Variants in HMGCS2 observed in about 807,000 individuals in gnomAD.
HMGCS2 encodes the protein hydroxymethylglutaryl-CoA synthase, mitochondrial.
In HMGCS2, 50 loss-of-function variants were observed where a neutral mutation model predicts 57.4. The ratio of observed to expected loss-of-function variants is 0.87; its 90% CI spans 0.69 to 1.10. HMGCS2 has a LOEUF of 1.10. Among genes scored for constraint, HMGCS2 ranks in the 50% least tolerant of loss-of-function variants. The probability of loss-of-function intolerance (pLI) is 0.00; values close to 1 mark genes in which losing one functional copy is unlikely to be tolerated. For missense variants in HMGCS2, 627 were observed against 636.5 expected, an observed-to-expected ratio of 0.99 and a Z score of 0.16; for synonymous variants, 254 against 245.1, an observed-to-expected ratio of 1.04 and a Z score of -0.34.
At chr1:119,754,131 A>T (rs1234419964) in intron 6 of HMGCS2, among the ~76,000 whole-genome samples, 1 of 150,792 alleles carries the variant, frequency 6.6e-6, no homozygotes, top group Non-Finnish European at 1.5e-5. Context: ...ATCTCAGCTC[A>T]CTGCAACTTC....
intron 5 of HMGCS2, among the ~76,000 whole-genome samples, chr1:119,756,399 T>A (rs662924): frequency 0.44 from 66,389 of 151,932 alleles, 14,926 homozygotes; most frequent in South Asian, 0.57. Flanking sequence ...GTATCTTTGG[T>A]ATATGTTATA....
chr1:119,753,882 T>C (rs1386385695), intron 6 of HMGCS2, among the ~76,000 whole-genome samples: 1 of 151,764 alleles, frequency 6.6e-6, no homozygotes, highest in Non-Finnish European at 1.5e-5. Flanking sequence ...TGCCCGTTTT[T>C]TTTTTCTTTT....
chr1:119,768,673 G>A, intron 1 of HMGCS2, 68 bp downstream of exon 1: 1 of 1,222,500 alleles, frequency 8.2e-7, no homozygotes, highest in Non-Finnish European at 1.2e-6. Flanking sequence ...ATTCTAGTGA[G>A]TTTTCCCCAA....
At position 119,764,175 on chromosome 1, in the gene HMGCS2, C is replaced by T. The variant is rs774032165; in HGVS notation, c.556G>A (p.Asp186Asn). The change falls in exon 2 of 10, where the codon GAT becomes AAT. Residue 186 changes from aspartate (D) to asparagine (N), a missense_variant. Asp to Asn is a conservative substitution (Grantham distance 23). Coordinates refer to ENST00000369406, the MANE Select transcript of HMGCS2 (RefSeq NM_005518.4). ...AANWMESSSW[D>N]GRYAMVVCGD... ...TAAGGTTCGTGGCCGTACATACCATCCCAGGAACTGGACTCCATCCAGTTG... is the reference window on the plus strand; with the variant it reads ...TAAGGTTCGTGGCCGTACATACCATTCCAGGAACTGGACTCCATCCAGTTG... The T allele has an allele frequency of 1.2e-6, 2 of 1,612,930 alleles. No individual in the cohort carries two copies. Among genetic ancestry groups the T allele is most frequent in the South Asian group, 2.2e-5 (2 of 91,028 alleles).
At chr1:119,752,521 C>A in intron 8 of HMGCS2, 28 bp downstream of exon 8, 2 of 1,612,748 alleles carry the variant, frequency 1.2e-6, no homozygotes, top group Non-Finnish European at 1.7e-6. Flanking sequence ...TGGGGTCTCT[C>A]TTCCTCTCTT....
chr1:119,751,962 G>T (rs1652674301), intron 8 of HMGCS2, among the ~76,000 whole-genome samples: 1 of 151,774 alleles, frequency 6.6e-6, no homozygotes, highest in Non-Finnish European at 1.5e-5. Flanking sequence ...TTACCTTTGG[G>T]TTTCATTTTC....
At chr1:119,751,033 A>C (rs796479227) in intron 8 of HMGCS2, 125 bp from the exon 9 acceptor site, 35 of 700,956 alleles carry the variant, frequency 5.0e-5, no homozygotes, top group South Asian at 4.9e-4. Context: ...AAGGGGCTGC[A>C]AGGTCACCCT....
chr1:119,763,090 C>T (rs1216706570), intron 2 of HMGCS2, among the ~76,000 whole-genome samples: 1 of 152,014 alleles, frequency 6.6e-6, no homozygotes, highest in Admixed American at 6.6e-5. Flanking sequence ...CTGGACCATC[C>T]CATGTCAGTG....
rs368678169 is a variant in HMGCS2 at position 119,768,824 on chromosome 1, T to C, written c.21A>G (p.Pro7=). Residue 7 remains proline (P), a synonymous_variant, in exon 1 of 10, where the codon CCA becomes CCG. Coordinates refer to ENST00000369406, the MANE Select transcript of HMGCS2 (RefSeq NM_005518.4). ...TTGTCAGTTGCAGAATGCGCTTCACTGGAGTCAACAGACGCTGCATCTCCA... is the reference window on the plus strand; with the variant it reads ...TTGTCAGTTGCAGAATGCGCTTCACCGGAGTCAACAGACGCTGCATCTCCA... MQRLLT[P]VKRILQLTRA... 38 of 1,613,944 alleles carry C rather than the reference T, an allele frequency of 2.4e-5. No homozygotes were observed. The highest frequency in any genetic ancestry group is 2.2e-5 in the Non-Finnish European group (26 of 1,179,858).
At chr1:119,757,904 G>A (rs1211190908) in intron 4 of HMGCS2, among the ~76,000 whole-genome samples, 1 of 152,246 alleles carries the variant, frequency 6.6e-6, no homozygotes, top group African/African-American at 2.4e-5. Flanking sequence ...ATCCAAAGCA[G>A]CATCTGTCAC....
At chr1:119,767,621 A>G (rs1571045785) in intron 1 of HMGCS2, among the ~76,000 whole-genome samples, 1 of 152,218 alleles carries the variant, frequency 6.6e-6, no homozygotes, top group East Asian at 1.9e-4. Context: ...TGACTCATGA[A>G]AAGCAATATT....
chr1:119,752,517 C>G lies in HMGCS2; in HGVS notation c.1420+32G>C, dbSNP rs587651336. On this transcript the variant is annotated intron_variant, in intron 8 of 9. Transcript: ENST00000369406. ...TGGCTCCCAGCTACTGGAATGGGGT[C>G]TCTCTTCCTCTCTTCCTGACTTTTT... 2.4e-5 allele frequency: 39 copies of G among 1,612,080 alleles called. 2 individuals are homozygous for G. The South Asian group carries it at 4.0e-4, about 16-fold the overall frequency.
At position 119,764,157 on chromosome 1, in the gene HMGCS2, C is replaced by T. The variant is rs888099231; in HGVS notation, c.559+15G>A. 3.1e-6 allele frequency: 5 copies of T among 1,610,334 alleles called. No homozygotes were observed. The highest frequency in any genetic ancestry group is 2.2e-5 in the East Asian group (1 of 44,880). ...TCCAGCACCTTTCTTACATAAGGTT[C>T]GTGGCCGTACATACCATCCCAGGAA... On this transcript the variant is annotated intron_variant, in intron 2 of 9. Coordinates refer to ENST00000369406, the MANE Select transcript of HMGCS2 (RefSeq NM_005518.4).
Position 119,759,111 on chromosome 1 carries a change from C to A in HMGCS2, c.850+7G>T. On this transcript the variant is annotated splice_region_variant and intron_variant, in intron 4 of 9. Coordinates refer to ENST00000369406, the MANE Select transcript of HMGCS2 (RefSeq NM_005518.4). ...AGCCCCCACTTTCTGCCCTCTGAAT[C>A]TCATACCTTGCTTCCACTGATTCTG... 6.2e-7 allele frequency: 1 copy of A among 1,614,190 alleles called. No individual in the cohort carries two copies. Among genetic ancestry groups the A allele is most frequent in the Non-Finnish European group, 8.5e-7 (1 of 1,179,994 alleles).
At chr1:119,758,995 A>G (rs1459850978) in intron 4 of HMGCS2, 123 bp downstream of exon 4, 1 of 1,006,686 alleles carries the variant, frequency 9.9e-7, no homozygotes, top group African/African-American at 1.6e-5. Flanking sequence ...GAAAGAGGAC[A>G]GGAAACAATT....
rs587652395 is a variant in HMGCS2, at chr1:119,764,696, A to G, written c.105-70T>C. 6.4e-6 allele frequency: 7 copies of G among 1,096,594 alleles called. No individual in the cohort carries two copies. In the East Asian group the frequency reaches 1.8e-4, roughly 28 times the overall value. The allele number at this position is 1,096,594 out of a possible 1,614,324, so 67.9% of individuals were successfully genotyped here. A position where few individuals can be genotyped will look rare whatever the true frequency, so the allele number is the denominator to read the frequency against. ...CAATTTCCTCAAAAGACAGTAACAT[A>G]GCAATCATTTAATTAATTTTCTATA... On this transcript the variant is annotated intron_variant, in intron 1 of 9. Transcript: ENST00000369406.
rs775967009 is a variant in HMGCS2, at chr1:119,753,390, T to TGG, written c.1188-6_1188-5dup. 1.3e-6 allele frequency: 2 copies of TGG among 1,533,214 alleles called. No homozygotes were observed. Among genetic ancestry groups the TGG allele is most frequent in the Non-Finnish European group, 1.8e-6 (2 of 1,107,976 alleles). The allele number at this position is 1,533,214 out of a possible 1,614,324, so 95.0% of individuals were successfully genotyped here. A position where few individuals can be genotyped will look rare whatever the true frequency, so the allele number is the denominator to read the frequency against. On this transcript the variant is annotated splice_polypyrimidine_tract_variant and splice_region_variant and intron_variant, in intron 6 of 9. Coordinates refer to ENST00000369406, the MANE Select transcript of HMGCS2 (RefSeq NM_005518.4). ...AGCCAGTTCTTGGGCAGAGTGGCTG[T>TGG]GGGGAAAGAAATCAAATAAAACACA...
chr1:119,755,707 A>G (rs1033620987), intron 5 of HMGCS2, 110 bp from the exon 6 acceptor site: 1 of 976,276 alleles, frequency 1.0e-6, no homozygotes, highest in Non-Finnish European at 1.7e-6. Context: ...TGTTTTTCCT[A>G]CAATATTTGG....
At chr1:119,756,240 CT>C (rs1652835861) in intron 5 of HMGCS2, among the ~76,000 whole-genome samples, 1 of 152,094 alleles carries the variant, frequency 6.6e-6, no homozygotes, top group Non-Finnish European at 1.5e-5. Context: ...CTTGAGTAAA[CT>C]TTTTATTAAT....
Sources: gnomAD v4.1 joint callset for allele counts (sites outside exome capture counted in the v4.1 genomes callset) on GRCh38, gnomAD v4.1.1 for gene constraint, MANE v1.5 for transcripts, NCBI Gene and HGNC (gene_info 2026-07-23, HGNC 2026-07-21) for gene names.